The following PFKP variants were observed in gnomAD, a reference collection of about 807,000 sequenced individuals.
PFKP encodes ATP-dependent 6-phosphofructokinase, platelet type.
A neutral mutation model predicts 94.3 loss-of-function variants in PFKP; 101 were observed. The observed-to-expected ratio is 1.07, with a 90% CI of 0.91 to 1.26. The LOEUF (loss-of-function observed/expected upper bound fraction) is 1.26, where lower values mean the gene tolerates loss of function less well. Among genes scored for constraint, PFKP ranks in the 50% most tolerant of loss-of-function variants. The probability of loss-of-function intolerance (pLI) is 0.00; values close to 1 mark genes in which losing one functional copy is unlikely to be tolerated. For missense variants in PFKP, 1,145 were observed against 1,103.3 expected (o/e 1.04, Z -0.53); for synonymous variants, 573 against 432.6 (o/e 1.32, Z -4.03).
intron 2 of PFKP, among the ~76,000 whole-genome samples, chr10:3,084,698 CTCCAGCCCCTCCCCAGGAG>C (rs1833354748): frequency 1.5e-5 from 1 of 65,938 alleles, no homozygotes. Context: ...CAGCACAGTC[CTCCAGCCCCTCCCCAGGAG>C]AGTCCTCCAG....
chr10:3,134,334 G>C, intron 19 of PFKP, 149 bp from the exon 20 acceptor site: 1 of 609,890 alleles, frequency 1.6e-6, no homozygotes. Context: ...GCCAAGTTCA[G>C]GCTACGGGAA....
chr10:3,105,612 A>G, intron 7 of PFKP, 111 bp downstream of exon 7: 1 of 733,516 alleles, frequency 1.4e-6, no homozygotes, highest in Non-Finnish European at 2.4e-6. Context: ...CTCTGTCTCC[A>G]GTTTGTCACA....
Position 3,103,812 on chromosome 10 carries a change from C to A in PFKP, c.488C>A (p.Ala163Asp), listed in dbSNP as rs763008329. 3 of 1,614,026 alleles carry A rather than the reference C, an allele frequency of 1.9e-6. No homozygotes were observed. Among genetic ancestry groups the A allele is most frequent in the Admixed American group, 3.3e-5 (2 of 60,032 alleles). The change falls in exon 5 of 22, where the codon GCC (alanine) becomes GAC (aspartate). Residue 163 changes from alanine (A) to aspartate (D), a missense_variant. This residue lies in a region of PFKP where 1,119 missense variants were observed against 1,062.8 expected (regional missense o/e 1.05). Transcript: ENST00000381125. Reference protein sequence around the residue: ...QIDKEAVQKYAYLNVVGMVGS... With the variant: ...QIDKEAVQKYDYLNVVGMVGS... Reference sequence around the variant, plus strand: ...GATAAGGAGGCCGTGCAGAAGTACGCCTACCTCAACGTGGTGGGCATGGTG... The same window carrying A: ...GATAAGGAGGCCGTGCAGAAGTACGACTACCTCAACGTGGTGGGCATGGTG...
At position 3,069,213 on chromosome 10, in the gene PFKP, GGA is replaced by G. The variant is rs555431428; in HGVS notation, c.112+1507_112+1508del. Reference sequence around the variant, plus strand: ...CGCAGCCCGCCCTGCAGCGCCCCCGGGAAGTGCTCTGGCGTTAGCATTCCAGT... The same window carrying G: ...CGCAGCCCGCCCTGCAGCGCCCCCGGAGTGCTCTGGCGTTAGCATTCCAGT... On this transcript the variant is annotated intron_variant, in intron 1 of 21. Transcript: ENST00000381125. 485 of 1,314,804 alleles carry G rather than the reference GGA, an allele frequency of 3.7e-4. 2 individuals carry two copies. In the African/African-American group the frequency reaches 5.9e-3, roughly 16 times the overall value. 81.4% of individuals were successfully genotyped at this position (1,314,804 alleles called of 1,614,324 possible). A position where few individuals can be genotyped will look rare whatever the true frequency, so the allele number is the denominator to read the frequency against.
rs1177022636 is a variant in PFKP, at chr10:3,101,487, G to A, written c.387G>A (p.Gly129=). Residue 129 remains glycine (G), a synonymous_variant, in exon 4 of 22, where the codon GGG becomes GGA. Transcript: ENST00000381125. ...ACCTGTGTGTGATCGGCGGGGACGGGAGCCTCACCGGGGCCAACCTCTTCC... is the reference window on the plus strand; with the variant it reads ...ACCTGTGTGTGATCGGCGGGGACGGAAGCCTCACCGGGGCCAACCTCTTCC... ...ITNLCVIGGD[G]SLTGANLFRK... is the part of the protein sequence containing the mutation. 2 of 1,602,532 alleles carry A rather than the reference G, an allele frequency of 1.2e-6. No individual in the cohort carries two copies. The highest frequency in any genetic ancestry group is 4.5e-5 in the East Asian group (2 of 44,606).
rs1332628573 is a variant in PFKP, at chr10:3,109,496, A to G, written c.1089+16A>G. ...CGTGCAGATGGTGAGTGGGCAGCCC[A>G]TGGCCAAGGGCAGGGCGGAGACGGC... On this transcript the variant is annotated intron_variant, in intron 10 of 21. Coordinates refer to ENST00000381125, the MANE Select transcript of PFKP (RefSeq NM_002627.5). 14 of 1,601,050 alleles carry G rather than the reference A, an allele frequency of 8.7e-6. No individual in the cohort carries two copies. Among genetic ancestry groups the G allele is most frequent in the Non-Finnish European group, 1.1e-5 (13 of 1,179,344 alleles).
chr10:3,097,694 G>A (rs1196574983), intron 2 of PFKP, among the ~76,000 whole-genome samples: 1 of 152,156 alleles, frequency 6.6e-6, no homozygotes, highest in Admixed American at 6.5e-5. Flanking sequence ...TTTATTACAT[G>A]TATGACACTA....
At chr10:3,109,671 C>T (rs77187733) in intron 10 of PFKP, among the ~76,000 whole-genome samples, 191 bp downstream of exon 10, 10,956 of 152,250 alleles carry the variant, frequency 0.072, 496 homozygotes, top group Non-Finnish European at 0.097. Flanking sequence ...GAGCCTGCGC[C>T]GTCTTCGCTC....
chr10:3,127,463 C>T (rs969178164), intron 16 of PFKP, among the ~76,000 whole-genome samples: 3 of 151,906 alleles, frequency 2.0e-5, no homozygotes, highest in Non-Finnish European at 2.9e-5. Context: ...GGGTGGGCTG[C>T]GGGGGAGATT....
chr10:3,122,086 G>C (rs9423688), intron 16 of PFKP, among the ~76,000 whole-genome samples: 38,605 of 151,930 alleles, frequency 0.25, 4,935 homozygotes, highest in South Asian at 0.29. Context: ...GGCTCTCAAA[G>C]CACAGGGGTT....
rs1047263241 is a variant in PFKP, at chr10:3,133,200, C to G, written c.1911-3C>G. On this transcript the variant is annotated splice_polypyrimidine_tract_variant and splice_region_variant and intron_variant, in intron 18 of 21. Coordinates refer to ENST00000381125, the MANE Select transcript of PFKP (RefSeq NM_002627.5). ...CAAAGTGACTCCTTCTCGCTCGTTT[C>G]AGAAATGAGAGCTGCAGTGAAAACT... 7 of 1,610,288 alleles carry G rather than the reference C, an allele frequency of 4.3e-6. No homozygotes were observed. The highest frequency in any genetic ancestry group is 1.7e-5 in the Admixed American group (1 of 59,996).
At chr10:3,109,160 G>T (rs1217746340) in intron 9 of PFKP, among the ~76,000 whole-genome samples, 195 bp from the exon 10 acceptor site, 5 of 152,220 alleles carry the variant, frequency 3.3e-5, no homozygotes, top group African/African-American at 1.2e-4. Context: ...CTCTCCATGT[G>T]CCCTGACCTC....
In PFKP at chr10:3,135,736, GA is replaced by G. The variant is rs760523015; in HGVS notation, c.2130del (p.Lys710AsnfsTer13). 5.0e-6 allele frequency: 8 copies of G among 1,597,578 alleles called. No homozygotes were observed. The highest frequency in any genetic ancestry group is 6.9e-6 in the Non-Finnish European group (8 of 1,166,642). On this transcript the variant is annotated frameshift_variant and splice_region_variant, in exon 21 of 22. Coordinates refer to ENST00000381125, the MANE Select transcript of PFKP (RefSeq NM_002627.5). LOFTEE classifies it high-confidence loss of function. Reference protein sequence around the residue: ...TAKLKEARGRGKKFTTDDSIC... With the variant: ...TAKLKEARGRXKKFTTDDSIC... ...TAATCTTTTTTAAAATCTTTTATAG[GA>G]AAAAAATTTACCACCGATGATTCCA...
chr10:3,089,055 C>G lies in PFKP; in HGVS notation c.186+6594C>G, dbSNP rs1409307982. On this transcript the variant is annotated intron_variant, in intron 2 of 21. Coordinates refer to ENST00000381125, the MANE Select transcript of PFKP (RefSeq NM_002627.5). ...CAAGCGATTCTCCTGCCTCAGCCTC[C>G]TGAGTAGCTGGGATTACAGGCACCC... Among the ~76,000 whole-genome samples, 5 of 152,198 alleles carry G rather than the reference C, an allele frequency of 3.3e-5. No homozygotes were observed. In the South Asian group the frequency reaches 6.2e-4, roughly 19 times the overall value.
chr10:3,114,439 C>T (rs371939302), intron 13 of PFKP, among the ~76,000 whole-genome samples: 9 of 152,352 alleles, frequency 5.9e-5, no homozygotes, highest in Non-Finnish European at 7.3e-5. Context: ...CATGACCCAC[C>T]GTGCCCAGCC....
At chr10:3,081,977 C>CTTCTTTTTT (rs1833114541) in intron 1 of PFKP, among the ~76,000 whole-genome samples, 1 of 68,440 alleles carries the variant, frequency 1.5e-5, no homozygotes. Context: ...AGCCCATTGC[C>CTTCTTTTTT]TTTTTTTTTT....
In PFKP at chr10:3,105,467, G is replaced by A. The variant is rs1427328997; in HGVS notation, c.740G>A (p.Gly247Asp). Residue 247 changes from glycine (G) to aspartate (D), a missense_variant, in exon 7 of 22, where the codon GGC becomes GAC. By Grantham distance (94) the Gly-to-Asp change is moderately conservative. Transcript: ENST00000381125. ...VFLPESPPEE[G>D]WEEQMCVKLS... is the part of the protein sequence containing the mutation. ...CTTCCAGAATCTCCACCAGAGGAAG[G>A]CTGGGAGGAGCAGATGTGTGTCAAA... 3.7e-6 allele frequency: 6 copies of A among 1,613,930 alleles called. No homozygotes were observed. The highest frequency in any genetic ancestry group is 5.1e-6 in the Non-Finnish European group (6 of 1,179,872).
chr10:3,135,369 C>G (rs184833593), intron 20 of PFKP, among the ~76,000 whole-genome samples: 1 of 152,204 alleles, frequency 6.6e-6, no homozygotes, highest in Admixed American at 6.5e-5. Flanking sequence ...CTTTCTACAG[C>G]GATTTTCTTT....
At chr10:3,112,070 C>T (rs541615221) in intron 10 of PFKP, 152 bp from the exon 11 acceptor site, 30 of 656,438 alleles carry the variant, frequency 4.6e-5, no homozygotes, top group Middle Eastern at 3.1e-4. Context: ...ACTTGGCGGC[C>T]GGTCGTCTAG....
Sources: allele counts gnomAD v4.1 joint callset (sites outside exome capture counted in the v4.1 genomes callset), GRCh38; gene constraint gnomAD v4.1.1; regional missense constraint gnomAD v4.1.1; transcripts MANE v1.5; gene names NCBI Gene and HGNC (gene_info 2026-07-23, HGNC 2026-07-21).